The following GRIA1 variants were observed in gnomAD, a reference collection of about 807,000 sequenced individuals.
The protein encoded by GRIA1 is glutamate receptor 1.
In GRIA1, 31 loss-of-function variants were observed where a neutral mutation model predicts 99.2. The ratio of observed to expected loss-of-function variants is 0.31; its 90% CI spans 0.23 to 0.42. The LOEUF (loss-of-function observed/expected upper bound fraction) is 0.42, where lower values mean the gene tolerates loss of function less well. GRIA1 is among the 10% of genes least tolerant of loss of function. The pLI, the probability that GRIA1 is intolerant of heterozygous loss-of-function variation, is 1.00. For synonymous variants in GRIA1, 438 were observed against 432.4 expected (o/e 1.01, Z -0.16); for missense variants, 782 against 1,157.5 (o/e 0.68, Z 4.71).
intron 13 of GRIA1, among the ~76,000 whole-genome samples, chr5:153,779,383 C>G (rs1222741638): frequency 1.3e-5 from 2 of 152,132 alleles, no homozygotes; most frequent in African/African-American, 2.4e-5. Context: ...GTGGCATCCT[C>G]AAAACGTCCA....
At chr5:153,630,495 G>T (rs1752866199) in intron 2 of GRIA1, among the ~76,000 whole-genome samples, 1 of 152,148 alleles carries the variant, frequency 6.6e-6, no homozygotes, top group South Asian at 2.1e-4. Context: ...TTGGCTGTCT[G>T]GATCTCAGCA....
chr5:153,693,122 G>A (rs1757874874), intron 8 of GRIA1, among the ~76,000 whole-genome samples: 1 of 152,094 alleles, frequency 6.6e-6, no homozygotes, highest in Non-Finnish European at 1.5e-5. Context: ...TAAGACTCAG[G>A]CTCATGGACC....
intron 2 of GRIA1, among the ~76,000 whole-genome samples, chr5:153,608,955 T>G (rs1362505932): frequency 1.3e-5 from 2 of 152,186 alleles, no homozygotes; most frequent in African/African-American, 4.8e-5. Context: ...ATTGAGATGA[T>G]TTGAAGCTAC....
At chr5:153,617,840 A>G (rs1483332473) in intron 2 of GRIA1, among the ~76,000 whole-genome samples, 1 of 152,160 alleles carries the variant, frequency 6.6e-6, no homozygotes. Context: ...TGCTCCTGCC[A>G]TTGTGACTAT....
intron 2 of GRIA1, among the ~76,000 whole-genome samples, chr5:153,637,689 G>A (rs1023143723): frequency 7.9e-5 from 12 of 152,146 alleles, no homozygotes; most frequent in African/African-American, 2.9e-4. Context: ...GGCTGGTGGG[G>A]TTTGAGTGCC....
intron 2 of GRIA1, among the ~76,000 whole-genome samples, chr5:153,532,449 G>A (rs1283044276): frequency 1.3e-5 from 2 of 152,256 alleles, no homozygotes; most frequent in Non-Finnish European, 2.9e-5. Context: ...CTAGCAAATG[G>A]CAAGTGGCAG....
chr5:153,784,656 CTA>C (rs1561858432), intron 13 of GRIA1, among the ~76,000 whole-genome samples: 1 of 151,908 alleles, frequency 6.6e-6, no homozygotes, highest in Non-Finnish European at 1.5e-5. Context: ...ACCCCACTAA[CTA>C]TTTTCTTTTG....
At chr5:153,688,878 C>A (rs1757534153) in intron 8 of GRIA1, among the ~76,000 whole-genome samples, 2 of 152,008 alleles carry the variant, frequency 1.3e-5, no homozygotes, top group African/African-American at 2.4e-5. Flanking sequence ...CATCACCACA[C>A]CTGGCTAATT....
intron 2 of GRIA1, among the ~76,000 whole-genome samples, chr5:153,618,616 G>T (rs952962053): frequency 4.6e-5 from 7 of 152,076 alleles, no homozygotes; most frequent in Non-Finnish European, 1.0e-4. Flanking sequence ...CCGAAACAAA[G>T]AAATGAAAAC....
chr5:153,727,894 T>C (rs975433303), intron 11 of GRIA1, among the ~76,000 whole-genome samples: 4 of 148,232 alleles, frequency 2.7e-5, no homozygotes, highest in South Asian at 4.4e-4. Flanking sequence ...TTAAAGTTCA[T>C]ATGGAACCAA....
At chr5:153,767,824 C>T (rs1038963583) in intron 12 of GRIA1, among the ~76,000 whole-genome samples, 2 of 152,118 alleles carry the variant, frequency 1.3e-5, no homozygotes, top group African/African-American at 4.8e-5. Flanking sequence ...GAACAAATAC[C>T]CTGAGTATGC....
chr5:153,608,425 T>A (rs1215260713), intron 2 of GRIA1, among the ~76,000 whole-genome samples: 1 of 152,204 alleles, frequency 6.6e-6, no homozygotes, highest in African/African-American at 2.4e-5. Context: ...TTCTTTTCCA[T>A]ATTTTCTATC....
At chr5:153,579,188 C>G (rs1762830484) in intron 2 of GRIA1, among the ~76,000 whole-genome samples, 1 of 152,138 alleles carries the variant, frequency 6.6e-6, no homozygotes, top group African/African-American at 2.4e-5. Flanking sequence ...AGCTCTGACT[C>G]CTTTCCAGGA....
At chr5:153,771,236 G>A (rs1763863341) in intron 13 of GRIA1, among the ~76,000 whole-genome samples, 1 of 152,190 alleles carries the variant, frequency 6.6e-6, no homozygotes, top group African/African-American at 2.4e-5. Context: ...GAAGGTCACT[G>A]AAAACAGTAC....
At chr5:153,644,220 C>G (rs577200257) in intron 2 of GRIA1, among the ~76,000 whole-genome samples, 1 of 152,262 alleles carries the variant, frequency 6.6e-6, no homozygotes, top group South Asian at 2.1e-4. Context: ...GTAGAGAAAT[C>G]ATATTTATGG....
intron 2 of GRIA1, among the ~76,000 whole-genome samples, chr5:153,526,044 A>G (rs985537024): frequency 6.6e-6 from 1 of 152,188 alleles, no homozygotes; most frequent in Non-Finnish European, 1.5e-5. Context: ...TTGTGGTGAA[A>G]AGGTCCTGGG....
At chr5:153,502,783 T>C (rs1178466109) in intron 2 of GRIA1, among the ~76,000 whole-genome samples, 3 of 152,218 alleles carry the variant, frequency 2.0e-5, no homozygotes, top group Non-Finnish European at 4.4e-5. Flanking sequence ...ATGTGTTCAT[T>C]GTTTGGAACC....
chr5:153,563,026 A>G (rs1761276792), intron 2 of GRIA1, among the ~76,000 whole-genome samples: 1 of 151,910 alleles, frequency 6.6e-6, no homozygotes, highest in Non-Finnish European at 1.5e-5. Context: ...AAATAGAAAA[A>G]TTAGCTGGGC....
intron 14 of GRIA1, among the ~76,000 whole-genome samples, chr5:153,800,975 G>A (rs994926314): frequency 6.6e-5 from 10 of 152,232 alleles, no homozygotes; most frequent in African/African-American, 2.4e-4. Context: ...GTGTGTACCT[G>A]TGCCAATTGA....
Sources: allele counts gnomAD v4.1 joint callset (sites outside exome capture counted in the v4.1 genomes callset), GRCh38; gene constraint gnomAD v4.1.1; transcripts MANE v1.5; gene names NCBI Gene and HGNC (gene_info 2026-07-23, HGNC 2026-07-21).